Variants in MCTP1 observed in about 807,000 individuals in gnomAD.
MCTP1 encodes the protein multiple C2 and transmembrane domain-containing protein 1.
A neutral mutation model predicts 120.6 loss-of-function variants in MCTP1; 69 were observed. That is an observed-to-expected ratio of 0.57 (90% CI 0.47 to 0.70). The LOEUF (loss-of-function observed/expected upper bound fraction) is 0.70. MCTP1 is among the 30% of genes least tolerant of loss of function. The probability of loss-of-function intolerance (pLI) is 0.00; values close to 1 mark genes in which losing one functional copy is unlikely to be tolerated. For synonymous variants in MCTP1, 529 were observed against 493.1 expected, an observed-to-expected ratio of 1.07 and a Z score of -0.96; for missense variants, 1,203 against 1,248.8, an observed-to-expected ratio of 0.96 and a Z score of 0.55.
chr5:94,903,306 C>T (rs533754325), intron 10 of MCTP1, among the ~76,000 whole-genome samples: 1 of 152,262 alleles, frequency 6.6e-6, no homozygotes, highest in South Asian at 2.1e-4. Flanking sequence ...TTTGGTGTCA[C>T]AGATAAAAAA....
chr5:94,842,071 G>A (rs927656584), intron 17 of MCTP1, among the ~76,000 whole-genome samples: 1 of 152,206 alleles, frequency 6.6e-6, no homozygotes, highest in Admixed American at 6.5e-5. Context: ...ATCTACTGGA[G>A]CTAATTAACA....
intron 2 of MCTP1, among the ~76,000 whole-genome samples, chr5:94,991,325 T>C (rs1233584104): frequency 6.6e-6 from 1 of 152,232 alleles, no homozygotes; most frequent in East Asian, 1.9e-4. Flanking sequence ...GGAATATCTA[T>C]TGACTTCTGC....
At chr5:94,714,053 A>G (rs1024654807) in intron 20 of MCTP1, among the ~76,000 whole-genome samples, 3 of 152,188 alleles carry the variant, frequency 2.0e-5, no homozygotes, top group Non-Finnish European at 2.9e-5. Flanking sequence ...AGGGTCTTAT[A>G]TCTTTTAACT....
At chr5:95,084,295 A>G (rs1167484890) in intron 1 of MCTP1, among the ~76,000 whole-genome samples, 1 of 152,180 alleles carries the variant, frequency 6.6e-6, no homozygotes, top group East Asian at 1.9e-4. Context: ...ACTCACTCTA[A>G]GTGGACTACT....
In MCTP1 at chr5:94,996,055, T is replaced by C. The variant is rs746770577; in HGVS notation, c.838+21312A>G. On this transcript the variant is annotated intron_variant, in intron 2 of 22. Coordinates refer to ENST00000515393, the MANE Select transcript of MCTP1 (RefSeq NM_024717.7). ...AATATTTCTGATCACAGAAAACAGTTGAGCAACTTAAATTGTTTTGTTAAA... is the reference window on the plus strand; with the variant it reads ...AATATTTCTGATCACAGAAAACAGTCGAGCAACTTAAATTGTTTTGTTAAA... Among the ~76,000 whole-genome samples the C allele has an allele frequency of 5.7e-4, 86 of 152,186 alleles. 1 individual carries two copies. The highest frequency in any genetic ancestry group is 1.7e-3 in the Admixed American group (26 of 15,256).
chr5:94,733,080 T>C (rs1368517281), intron 19 of MCTP1, among the ~76,000 whole-genome samples: 1 of 152,240 alleles, frequency 6.6e-6, no homozygotes, highest in East Asian at 1.9e-4. Flanking sequence ...TCATCTACTT[T>C]ATTATTTAAG....
intron 2 of MCTP1, among the ~76,000 whole-genome samples, chr5:95,000,379 C>A (rs1833438867): frequency 1.3e-5 from 2 of 152,056 alleles, no homozygotes; most frequent in Non-Finnish European, 2.9e-5. Context: ...CAGTCTCAGG[C>A]AGGTCCTTCA....
At chr5:95,207,295 T>C (rs771812367) in intron 1 of MCTP1, among the ~76,000 whole-genome samples, 9 of 152,280 alleles carry the variant, frequency 5.9e-5, no homozygotes, top group Non-Finnish European at 8.8e-5. Flanking sequence ...AGGGGGCTTA[T>C]CTCTGGGACA....
At chr5:94,947,577 T>TATATATATAGAGAGAG in intron 3 of MCTP1, among the ~76,000 whole-genome samples, 44 of 47,394 alleles carry the variant, frequency 9.3e-4, no homozygotes, top group African/African-American at 1.2e-3. Context: ...TATATATATA[T>TATATATATAGAGAGAG]AGAGAGAGAG....
intron 10 of MCTP1, among the ~76,000 whole-genome samples, chr5:94,908,559 C>T (rs1004135766): frequency 6.6e-6 from 1 of 151,862 alleles, no homozygotes; most frequent in Non-Finnish European, 1.5e-5. Context: ...TTCTTCAGTA[C>T]ACCACACTTT....
chr5:94,865,388 C>T (rs552021416), intron 17 of MCTP1, among the ~76,000 whole-genome samples: 2 of 151,838 alleles, frequency 1.3e-5, no homozygotes, highest in South Asian at 4.2e-4. Context: ...ATAAAGTTTA[C>T]TGACTTGGGC....
At chr5:94,990,013 A>G (rs1831220677) in intron 2 of MCTP1, among the ~76,000 whole-genome samples, 2 of 152,128 alleles carry the variant, frequency 1.3e-5, no homozygotes, top group Non-Finnish European at 2.9e-5. Context: ...AACAGCATGT[A>G]AACTGTTTTT....
In MCTP1 at chr5:94,880,506, T is replaced by A. The variant is rs1799831722; in HGVS notation, c.1934-7265A>T. On this transcript the variant is annotated intron_variant, in intron 12 of 22. Coordinates refer to ENST00000515393, the MANE Select transcript of MCTP1 (RefSeq NM_024717.7). ...CCAATTAAAGGCAATAACTGAAAAT[T>A]GTCATCTGTTAAGTCTTTGCCTTTA... Among the ~76,000 whole-genome samples the A allele has an allele frequency of 3.3e-5, 5 of 152,182 alleles. No homozygotes were observed. The South Asian group carries it at 1.0e-3, about 32-fold the overall frequency.
intron 1 of MCTP1, among the ~76,000 whole-genome samples, chr5:95,116,891 T>G (rs1357265287): frequency 6.6e-6 from 1 of 152,162 alleles, no homozygotes; most frequent in African/African-American, 2.4e-5. Context: ...GATTTTGTAT[T>G]CTGAGACTGC....
intron 2 of MCTP1, among the ~76,000 whole-genome samples, chr5:94,996,741 G>A (rs959236465): frequency 7.9e-5 from 12 of 152,068 alleles, no homozygotes; most frequent in Non-Finnish European, 2.9e-5. Flanking sequence ...ACATGGGAGG[G>A]CCGACTGCAT....
intron 2 of MCTP1, among the ~76,000 whole-genome samples, chr5:94,993,242 T>A (rs979980101): frequency 1.3e-5 from 2 of 152,290 alleles, no homozygotes; most frequent in African/African-American, 4.8e-5. Context: ...AACTCAGCAG[T>A]CTACACTTTA....
At chr5:95,248,912 A>C (rs1033851948) in intron 1 of MCTP1, among the ~76,000 whole-genome samples, 2 of 152,216 alleles carry the variant, frequency 1.3e-5, no homozygotes, top group Non-Finnish European at 2.9e-5. Flanking sequence ...GCAATGGAGG[A>C]AGGATTCCCT....
intron 19 of MCTP1, among the ~76,000 whole-genome samples, chr5:94,729,312 A>G (rs1762690410): frequency 6.6e-6 from 1 of 152,180 alleles, no homozygotes; most frequent in Middle Eastern, 3.2e-3. Flanking sequence ...GGTCACATGG[A>G]CCAACTCTGT....
rs185568523 is a variant in MCTP1 at position 94,778,283 on chromosome 5, C to T, written c.2610+827G>A. Among the ~76,000 whole-genome samples the T allele has an allele frequency of 3.3e-5, 5 of 152,186 alleles. No homozygotes were observed. In the East Asian group the frequency reaches 5.8e-4, roughly 18 times the overall value. ...CGCCAAACAACGTGGAAATAACTAA[C>T]GATTTTCTCTCCTCTGCCTCCCAAT... is the stretch of plus-strand genomic sequence containing the variant. On this transcript the variant is annotated intron_variant, in intron 19 of 22. Coordinates refer to ENST00000515393, the MANE Select transcript of MCTP1 (RefSeq NM_024717.7).
Sources: allele counts gnomAD v4.1 joint callset (sites outside exome capture counted in the v4.1 genomes callset), GRCh38; gene constraint gnomAD v4.1.1; transcripts MANE v1.5; gene names NCBI Gene and HGNC (gene_info 2026-07-23, HGNC 2026-07-21).